SYN3: variants seen among roughly 807,000 people sequenced by gnomAD.
The protein encoded by SYN3 is synapsin III.
Under a neutral mutation model 65.8 loss-of-function variants are expected in SYN3, and 35 were observed. The ratio of observed to expected loss-of-function variants is 0.53; its 90% confidence interval spans 0.41 to 0.70. The LOEUF (loss-of-function observed/expected upper bound fraction) is 0.70, where lower values mean the gene tolerates loss of function less well. Among genes scored for constraint, SYN3 ranks in the 30% least tolerant of loss-of-function variants. SYN3 has a pLI of 0.00. For missense variants in SYN3, 680 were observed against 749.0 expected, an observed-to-expected ratio of 0.91 and a Z score of 1.08; for synonymous variants, 270 against 292.9, an observed-to-expected ratio of 0.92 and a Z score of 0.80.
chr22:32,736,626 T>A (rs547288820), intron 6 of SYN3, among the ~76,000 whole-genome samples: 1 of 152,208 alleles, frequency 6.6e-6, no homozygotes, highest in African/African-American at 2.4e-5. Flanking sequence ...AAACAGGCAA[T>A]GGGCAAAAAA....
At position 32,879,930 on chromosome 22, in the gene SYN3, C is replaced by T. The variant is rs190853154; in HGVS notation, c.462-10805G>A. On this transcript the variant is annotated intron_variant, in intron 4 of 13. Coordinates refer to ENST00000358763, the MANE Select transcript of SYN3 (RefSeq NM_003490.4). ...AAGACATCTTCTAGTCCCAGCTCTGCTCTTGTGTCTTTGAGATTGTTGCTT... is the reference window on the plus strand; with the variant it reads ...AAGACATCTTCTAGTCCCAGCTCTGTTCTTGTGTCTTTGAGATTGTTGCTT... Among the ~76,000 whole-genome samples, 351 of 152,324 alleles carry T rather than the reference C, an allele frequency of 2.3e-3. 1 individual carries two copies. The highest frequency in any genetic ancestry group is 4.3e-3 in the Non-Finnish European group (291 of 68,036).
chr22:32,645,682 T>G (rs973299448), intron 6 of SYN3, among the ~76,000 whole-genome samples: 4 of 152,224 alleles, frequency 2.6e-5, no homozygotes, highest in Non-Finnish European at 5.9e-5. Flanking sequence ...CTGTGGCTAC[T>G]GCTTTGGGAA....
intron 3 of SYN3, among the ~76,000 whole-genome samples, chr22:32,960,796 T>C (rs962658507): frequency 6.6e-5 from 10 of 152,132 alleles, no homozygotes; most frequent in Admixed American, 3.9e-4. Flanking sequence ...TGGGTTTCAA[T>C]TGCATTTCTA....
chr22:32,948,476 C>G (rs963227468), intron 3 of SYN3, among the ~76,000 whole-genome samples: 1 of 152,150 alleles, frequency 6.6e-6, no homozygotes, highest in African/African-American at 2.4e-5. Context: ...GTGGCTCATG[C>G]CTGTAATCAC....
intron 6 of SYN3, 87 bp downstream of exon 6, chr22:32,864,828 C>G (rs980416380): frequency 7.2e-6 from 9 of 1,252,536 alleles, no homozygotes; most frequent in Non-Finnish European, 1.1e-5. Flanking sequence ...CCCTAGAGTC[C>G]ACCTCCTCCA....
At chr22:32,671,885 G>A (rs2060376480) in intron 6 of SYN3, among the ~76,000 whole-genome samples, 1 of 152,328 alleles carries the variant, frequency 6.6e-6, no homozygotes, top group Non-Finnish European at 1.5e-5. Context: ...ACACACACAC[G>A]TTTAGTGTAT....
rs766333710 is a variant in SYN3, at chr22:32,862,320, C to T, written c.711+2595G>A. On this transcript the variant is annotated intron_variant, in intron 6 of 13. Coordinates refer to ENST00000358763, the MANE Select transcript of SYN3 (RefSeq NM_003490.4). ...GCTCCATGCTCAGGCTCTCAGCTCT[C>T]GGGCCAGTGCTCTGCTCTGTCCAGG... is the stretch of plus-strand genomic sequence containing the variant. 1 of 152,284 alleles carries T rather than the reference C, an allele frequency of 6.6e-6. No individual in the cohort carries two copies. The highest frequency in any genetic ancestry group is 1.5e-5 in the Non-Finnish European group (1 of 68,086). The allele number at this position is 152,284 out of a possible 1,614,324, so 9.4% of individuals were successfully genotyped here. A position where few individuals can be genotyped will look rare whatever the true frequency, so the allele number is the denominator to read the frequency against.
chr22:32,657,299 A>G (rs2060155285), intron 6 of SYN3, among the ~76,000 whole-genome samples: 1 of 151,844 alleles, frequency 6.6e-6, no homozygotes, highest in African/African-American at 2.4e-5. Context: ...GATTTTTTGT[A>G]TTTTTAGTAG....
chr22:32,960,442 C>T (rs1204193194), intron 3 of SYN3, among the ~76,000 whole-genome samples: 1 of 152,148 alleles, frequency 6.6e-6, no homozygotes, highest in Non-Finnish European at 1.5e-5. Context: ...AGCTCTCGCC[C>T]ACATCTCCCT....
chr22:32,560,574 G>A (rs544162234), intron 7 of SYN3, among the ~76,000 whole-genome samples: 1 of 152,270 alleles, frequency 6.6e-6, no homozygotes, highest in African/African-American at 2.4e-5. Context: ...CGACATTGAC[G>A]TGTGTGCTTG....
chr22:32,877,177 T>C (rs2049006905), intron 4 of SYN3, among the ~76,000 whole-genome samples: 1 of 152,216 alleles, frequency 6.6e-6, no homozygotes, highest in South Asian at 2.1e-4. Flanking sequence ...CACTTCTAAG[T>C]GTGAAGCCCC....
intron 7 of SYN3, among the ~76,000 whole-genome samples, chr22:32,590,454 T>C (rs902712973): frequency 6.6e-6 from 1 of 152,238 alleles, no homozygotes; most frequent in African/African-American, 2.4e-5. Flanking sequence ...TTCTATTAAA[T>C]GGACATATGA....
At chr22:32,798,718 G>A (rs919503584) in intron 6 of SYN3, among the ~76,000 whole-genome samples, 1 of 127,976 alleles carries the variant, frequency 7.8e-6, no homozygotes, top group Non-Finnish European at 1.6e-5. Context: ...TGGAGACGGA[G>A]TCTCACTCCA....
chr22:32,940,575 T>C (rs556117239), intron 3 of SYN3, among the ~76,000 whole-genome samples: 1 of 152,348 alleles, frequency 6.6e-6, no homozygotes, highest in East Asian at 1.9e-4. Flanking sequence ...TTCAATTTTT[T>C]TCATATGGTT....
intron 8 of SYN3, among the ~76,000 whole-genome samples, chr22:32,538,469 C>T (rs557790031): frequency 6.6e-6 from 1 of 152,262 alleles, no homozygotes; most frequent in African/African-American, 2.4e-5. Flanking sequence ...CTTTTGAGGG[C>T]CCCAAAATGT....
At chr22:32,867,552 T>C (rs1442918696) in intron 5 of SYN3, among the ~76,000 whole-genome samples, 1 of 152,098 alleles carries the variant, frequency 6.6e-6, no homozygotes, top group Admixed American at 6.6e-5. Context: ...TAAAGCAGGG[T>C]AAGGGATTTG....
intron 1 of SYN3, chr22:33,057,709 CAAGT>C (rs1213967285): frequency 6.6e-6 from 1 of 152,302 alleles, no homozygotes; most frequent in African/African-American, 2.4e-5. Context: ...CAGAAAAAGC[CAAGT>C]AAGTGCTGGA....
intron 6 of SYN3, among the ~76,000 whole-genome samples, chr22:32,656,708 G>A (rs921370755): frequency 6.6e-6 from 1 of 152,090 alleles, no homozygotes; most frequent in Non-Finnish European, 1.5e-5. Context: ...TGTTGTTGTT[G>A]TTTTGTTTTT....
chr22:32,580,078 G>A (rs959721699), intron 7 of SYN3, among the ~76,000 whole-genome samples: 5 of 152,228 alleles, frequency 3.3e-5, no homozygotes, highest in African/African-American at 7.2e-5. Context: ...TGGCCTAGGC[G>A]GGGAGGGGAG....
Sources: gnomAD v4.1 joint callset for allele counts (sites outside exome capture counted in the v4.1 genomes callset) on GRCh38, gnomAD v4.1.1 for gene constraint, MANE v1.5 for transcripts, NCBI Gene and HGNC (gene_info 2026-07-23, HGNC 2026-07-21) for gene names.